USP10: variants seen among roughly 807,000 people sequenced by gnomAD.
The protein encoded by USP10 is ubiquitin specific peptidase 10, also known as ubiquitin carboxyl-terminal hydrolase 10.
In USP10, 22 loss-of-function variants were observed where a neutral mutation model predicts 84.5. The ratio of observed to expected loss-of-function variants is 0.26; its 90% CI spans 0.19 to 0.37. The LOEUF is 0.37. USP10 is among the 10% of genes least tolerant of loss of function. The pLI, the probability that USP10 is intolerant of heterozygous loss-of-function variation, is 1.00. For missense variants in USP10, 1,019 were observed against 998.9 expected, an observed-to-expected ratio of 1.02 and a Z score of -0.27; for synonymous variants, 454 against 387.6, an observed-to-expected ratio of 1.17 and a Z score of -2.01.
chr16:84,767,568 G>A (rs900478589), intron 10 of USP10, among the ~76,000 whole-genome samples: 2 of 152,168 alleles, frequency 1.3e-5, no homozygotes, highest in Admixed American at 1.3e-4. Flanking sequence ...GATACTTGGA[G>A]AAAATGGAAA....
At chr16:84,708,006 A>T (rs1905765557) in intron 1 of USP10, among the ~76,000 whole-genome samples, 1 of 152,108 alleles carries the variant, frequency 6.6e-6, no homozygotes, top group African/African-American at 2.4e-5. Context: ...TGAACCTGGG[A>T]GGTGGACATT....
intron 12 of USP10, among the ~76,000 whole-genome samples, chr16:84,774,277 G>C (rs1159210034): frequency 6.6e-6 from 1 of 151,942 alleles, no homozygotes; most frequent in African/African-American, 2.4e-5. Context: ...TGGGGGACAA[G>C]AGGACCTCAC....
In USP10 at chr16:84,745,943, C is replaced by G. The variant is rs565117617; in HGVS notation, c.1192+270C>G. Among the ~76,000 whole-genome samples, 5 of 152,280 alleles carry G rather than the reference C, an allele frequency of 3.3e-5. No homozygotes were observed. In the South Asian group the frequency reaches 1.0e-3, roughly 32 times the overall value. ...GACAAGTTACATTTCCATTTCTTGC[C>G]TTTTGTTCAAGTAATTCTGCTCCAC... On this transcript the variant is annotated intron_variant, in intron 4 of 13. Coordinates refer to ENST00000219473, the MANE Select transcript of USP10 (RefSeq NM_005153.3).
chr16:84,759,517 C>T lies in USP10; in HGVS notation c.1394+45C>T, dbSNP rs755318099. On this transcript the variant is annotated intron_variant, in intron 6 of 13. Transcript: ENST00000219473. ...ATGTGTTAAGTGGTGGGGTTTTTCC[C>T]GTCTGATAATTAGAATTGAAATAGT... 170 of 1,521,414 alleles carry T rather than the reference C, an allele frequency of 1.1e-4. 1 individual carries two copies. In the Admixed American group the frequency reaches 2.1e-3, roughly 19 times the overall value. The allele number at this position is 1,521,414 out of a possible 1,614,324, so 94.2% of individuals were successfully genotyped here.
At chr16:84,732,464 T>G in intron 1 of USP10, 1 of 408,344 alleles carries the variant, frequency 2.4e-6, no homozygotes, top group Admixed American at 3.1e-5. Context: ...TTTTTCTTTT[T>G]GAGATGGAGT....
chr16:84,760,070 A>G lies in USP10; in HGVS notation c.1451-102A>G, dbSNP rs575354856. ...TCTTTACACCTATGCCATTCTCAAC[A>G]TTCAGCCAGGTGGGAGGTGGGGGAG... On this transcript the variant is annotated intron_variant, in intron 7 of 13. Coordinates refer to ENST00000219473, the MANE Select transcript of USP10 (RefSeq NM_005153.3). The G allele has an allele frequency of 3.5e-4, 532 of 1,520,310 alleles. 11 individuals are homozygous for G. The highest frequency in any genetic ancestry group is 3.2e-3 in the South Asian group (283 of 88,008). The allele number at this position is 1,520,310 out of a possible 1,614,324, so 94.2% of individuals were successfully genotyped here.
intron 4 of USP10, among the ~76,000 whole-genome samples, chr16:84,750,608 C>T (rs1332842883): frequency 2.0e-5 from 3 of 152,092 alleles, no homozygotes; most frequent in Admixed American, 1.3e-4. Context: ...TGTACTTTTC[C>T]TGGGTCTTTA....
In USP10 at chr16:84,779,161, T is replaced by C; in HGVS notation, c.*79T>C. On this transcript the variant is annotated 3_prime_UTR_variant, in exon 14 of 14. Coordinates refer to ENST00000219473, the MANE Select transcript of USP10 (RefSeq NM_005153.3). ...ACACTCACTTCCCGCCTCTCTTTAGTGGCTCTTTAGAGAGAAACTCTTTCT... is the reference window on the plus strand; with the variant it reads ...ACACTCACTTCCCGCCTCTCTTTAGCGGCTCTTTAGAGAGAAACTCTTTCT... 1.3e-6 allele frequency: 2 copies of C among 1,508,588 alleles called. No homozygotes were observed. Among genetic ancestry groups the C allele is most frequent in the Non-Finnish European group, 1.8e-6 (2 of 1,112,666 alleles). The allele number at this position is 1,508,588 out of a possible 1,614,324, so 93.5% of individuals were successfully genotyped here.
At chr16:84,768,478 C>A in intron 11 of USP10, 120 bp downstream of exon 11, 1 of 962,248 alleles carries the variant, frequency 1.0e-6, no homozygotes, top group Non-Finnish European at 1.4e-6. Flanking sequence ...AGTTGCTTAA[C>A]CATTTTGTAC....
intron 1 of USP10, among the ~76,000 whole-genome samples, chr16:84,712,200 A>C (rs1906396496): frequency 6.6e-6 from 1 of 152,140 alleles, no homozygotes; most frequent in East Asian, 1.9e-4. Context: ...TTATACTTTG[A>C]TTCTGTAGAT....
Position 84,744,678 on chromosome 16 carries a change from A to C in USP10, c.197A>C (p.Glu66Ala), listed in dbSNP as rs768730949. 1 of 1,613,362 alleles carries C rather than the reference A, an allele frequency of 6.2e-7. No homozygotes were observed. Among genetic ancestry groups the C allele is most frequent in the Admixed American group, 1.7e-5 (1 of 59,928 alleles). Reference protein sequence around the residue: ...RIEFGVDEVIEPSDTLPRTPS... With the variant: ...RIEFGVDEVIAPSDTLPRTPS... ...GAGTTTGGTGTCGATGAAGTCATTG[A>C]ACCCAGTGACACTTTGCCGAGAACC... The change falls in exon 4 of 14, where the codon GAA becomes GCA. Residue 66 changes from glutamate to alanine, a missense_variant. Physicochemically the swap from Glu to Ala is moderately radical, Grantham distance 107 (BLOSUM62 -1). Around this residue, in one of 2 missense-constraint regions of USP10, gnomAD observed 787 missense variants for 708.8 expected, o/e 1.11. Coordinates refer to ENST00000219473, the MANE Select transcript of USP10 (RefSeq NM_005153.3).
At chr16:84,767,637 A>G (rs1914005727) in intron 10 of USP10, among the ~76,000 whole-genome samples, 1 of 152,244 alleles carries the variant, frequency 6.6e-6, no homozygotes, top group Non-Finnish European at 1.5e-5. Context: ...TGCAGTAAAT[A>G]ACAGTGTGGA....
intron 1 of USP10, among the ~76,000 whole-genome samples, chr16:84,729,638 G>T (rs553235505): frequency 1.3e-5 from 2 of 152,208 alleles, no homozygotes; most frequent in Admixed American, 6.5e-5. Flanking sequence ...TTCTTAGCCC[G>T]TTCCTTTATT....
chr16:84,776,297 G>A (rs1471948291), intron 13 of USP10, among the ~76,000 whole-genome samples: 2 of 151,972 alleles, frequency 1.3e-5, no homozygotes, highest in African/African-American at 4.8e-5. Context: ...GGGCCCAGGG[G>A]TGAGGGCCTA....
At chr16:84,719,296 A>T (rs568208747) in intron 1 of USP10, among the ~76,000 whole-genome samples, 1 of 152,178 alleles carries the variant, frequency 6.6e-6, no homozygotes, top group African/African-American at 2.4e-5. Context: ...AGCTCCCCTC[A>T]TCCTCCTGTT....
intron 4 of USP10, among the ~76,000 whole-genome samples, chr16:84,757,401 GGGTGTGTGTGT>G (rs1567636491): frequency 1.5e-4 from 4 of 26,102 alleles, no homozygotes; most frequent in Non-Finnish European, 3.8e-4. Context: ...AGAGGGGTGG[GGGTGTGTGTGT>G]GTGTGTGTGT....
intron 12 of USP10, among the ~76,000 whole-genome samples, chr16:84,773,423 C>G (rs1211409373): frequency 1.3e-5 from 2 of 152,152 alleles, no homozygotes; most frequent in African/African-American, 2.4e-5. Flanking sequence ...CTCTCCGTCC[C>G]CTGGCACAGC....
intron 1 of USP10, among the ~76,000 whole-genome samples, chr16:84,719,043 C>T (rs1216333456): frequency 2.0e-5 from 3 of 152,060 alleles, no homozygotes; most frequent in Non-Finnish European, 2.9e-5. Flanking sequence ...CCACCCGTCT[C>T]GGCCTCCCAA....
chr16:84,770,468 T>C (rs547760354), intron 11 of USP10, among the ~76,000 whole-genome samples: 1 of 152,024 alleles, frequency 6.6e-6, no homozygotes, highest in African/African-American at 2.4e-5. Flanking sequence ...CTTTGTTGAG[T>C]GATTAGAAAT....
Sources: gnomAD v4.1 joint callset for allele counts (sites outside exome capture counted in the v4.1 genomes callset) on GRCh38, gnomAD v4.1.1 for gene constraint, gnomAD v4.1.1 regional missense constraint, MANE v1.5 for transcripts, NCBI Gene and HGNC (gene_info 2026-07-23, HGNC 2026-07-21) for gene names.